SPMIP8: variants seen among roughly 807,000 people sequenced by gnomAD.
SPMIP8 encodes the protein sperm microtubule inner protein 8.
chr16:57,985,121 G>T, the SPMIP8 span: 503 of 1,353,814 alleles, frequency 3.7e-4, no homozygotes, highest in African/African-American at 7.0e-3. Context: ...GGCGGGGCTG[G>T]ATTGTGGGCG....
chr16:57,977,984 C>T, the SPMIP8 span: 694 of 1,614,202 alleles, frequency 4.3e-4, 7 homozygotes, highest in East Asian at 0.014. Flanking sequence ...ACAGGGACAC[C>T]GTCAAGGCCT....
chr16:57,981,660 C>T, the SPMIP8 span, among the ~76,000 whole-genome samples: 16 of 151,100 alleles, frequency 1.1e-4, no homozygotes, highest in Admixed American at 6.0e-4. Context: ...GGACTACAGG[C>T]GTGTGCCACT....
At chr16:57,985,138 A>G in the SPMIP8 span, 2 of 1,360,902 alleles carry the variant, frequency 1.5e-6, no homozygotes, top group African/African-American at 3.3e-5. Flanking sequence ...GGCGGGGCTT[A>G]GATGAGGAGG....
the SPMIP8 span, chr16:57,984,290 CTT>C: frequency 4.3e-6 from 7 of 1,613,974 alleles, no homozygotes; most frequent in East Asian, 2.2e-5. Flanking sequence ...CTCCCTTTCT[CTT>C]GTTTCAACAG....
chr16:57,977,438 G>GA, the SPMIP8 span, among the ~76,000 whole-genome samples: 3,688 of 137,784 alleles, frequency 0.027, 145 homozygotes, highest in African/African-American at 0.088. Context: ...AAGAAAGAAA[G>GA]AAAAAAAAAC....
chr16:57,987,514 C>G, the SPMIP8 span: 2 of 1,452,570 alleles, frequency 1.4e-6, no homozygotes, highest in South Asian at 2.6e-5. Flanking sequence ...TGGCACCAGC[C>G]ATCTCCCCAG....
chr16:57,981,431 T>TATTATAATAATA, the SPMIP8 span, among the ~76,000 whole-genome samples: 1 of 133,132 alleles, frequency 7.5e-6, no homozygotes, highest in Non-Finnish European at 1.5e-5. Flanking sequence ...TTATTATTAT[T>TATTATAATAATA]ATAATTTGGT....
At chr16:57,979,542 T>C in the SPMIP8 span, among the ~76,000 whole-genome samples, 123 of 152,300 alleles carry the variant, frequency 8.1e-4, 1 homozygote, top group African/African-American at 2.8e-3. Flanking sequence ...AGATATGTAT[T>C]TTATTGTAAG....
At chr16:57,987,037 T>C in the SPMIP8 span, 1 of 224,814 alleles carries the variant, frequency 4.4e-6, no homozygotes, top group Non-Finnish European at 8.7e-6. Flanking sequence ...ACTCAGACTA[T>C]TGCACTGTCA....
chr16:57,977,407 CAAAAAAAA>C, the SPMIP8 span, among the ~76,000 whole-genome samples: 2 of 99,832 alleles, frequency 2.0e-5, no homozygotes, highest in East Asian at 5.9e-4. Context: ...GAGACTGTCT[CAAAAAAAA>C]AAAAAAAAAG....
chr16:57,987,545 TA>T, the SPMIP8 span: 1 of 1,149,108 alleles, frequency 8.7e-7, no homozygotes, highest in Non-Finnish European at 1.2e-6. Context: ...TAACTAGAAA[TA>T]AACCTAATGC....
the SPMIP8 span, chr16:57,985,446 G>A: frequency 1.2e-6 from 2 of 1,613,642 alleles, no homozygotes; most frequent in East Asian, 2.2e-5. Context: ...GTGCTCCCCC[G>A]ACTCACCGCG....
chr16:57,979,935 G>A, the SPMIP8 span, among the ~76,000 whole-genome samples: 1 of 152,148 alleles, frequency 6.6e-6, no homozygotes, highest in Non-Finnish European at 1.5e-5. Context: ...GGGCGGGGTG[G>A]CGGGTGCCTG....
At chr16:57,983,906 C>T in the SPMIP8 span, among the ~76,000 whole-genome samples, 2 of 151,996 alleles carry the variant, frequency 1.3e-5, no homozygotes, top group African/African-American at 4.8e-5. Context: ...AGCTACCGTG[C>T]CCAGCCTTTT....
At chr16:57,977,898 G>T in the SPMIP8 span, 10 of 1,614,102 alleles carry the variant, frequency 6.2e-6, 1 homozygote, top group South Asian at 9.9e-5. Context: ...GCTTCCCATG[G>T]AGCGGCAGCG....
the SPMIP8 span, chr16:57,984,886 C>A: frequency 2.0e-6 from 3 of 1,479,052 alleles, no homozygotes; most frequent in African/African-American, 2.8e-5. Flanking sequence ...GGACTGCGGA[C>A]GGGAACGCAG....
the SPMIP8 span, chr16:57,985,113 C>A: frequency 8.9e-7 from 1 of 1,121,920 alleles, no homozygotes; most frequent in South Asian, 1.8e-5. Context: ...GGATTGTGGG[C>A]GGGGCTGGAT....
chr16:57,985,315 C>G, the SPMIP8 span: 1 of 1,555,562 alleles, frequency 6.4e-7, no homozygotes, highest in South Asian at 1.2e-5. Flanking sequence ...GAGCGGGGGT[C>G]CTGGTGGGGA....
the SPMIP8 span, chr16:57,978,175 C>A: frequency 1.1e-6 from 1 of 926,228 alleles, no homozygotes; most frequent in African/African-American, 1.7e-5. Flanking sequence ...CAGGTCTGAG[C>A]CTCTGTTTAC....
Sources: gnomAD v4.1 joint callset for allele counts (sites outside exome capture counted in the v4.1 genomes callset) on GRCh38, gnomAD v4.1.1 for gene constraint, MANE v1.5 for transcripts, NCBI Gene and HGNC (gene_info 2026-07-23, HGNC 2026-07-21) for gene names.